The following PLXNA2 variants were observed in gnomAD, a reference collection of about 807,000 sequenced individuals.
The protein encoded by PLXNA2 is plexin A2.
PLXNA2 carries 91 observed loss-of-function variants against 193.5 expected under a neutral mutation model. That is an observed-to-expected ratio of 0.47 (90% CI 0.40 to 0.56). The LOEUF is 0.56. PLXNA2 is among the 20% of genes least tolerant of loss of function. The pLI is 0.00. For synonymous variants in PLXNA2, 997 were observed against 1,027.3 expected (o/e 0.97, Z 0.56); for missense variants, 1,995 against 2,503.2 (o/e 0.80, Z 4.33).
chr1:208,211,497 T>G (rs1057179905), intron 2 of PLXNA2, among the ~76,000 whole-genome samples: 15 of 152,070 alleles, frequency 9.9e-5, no homozygotes, highest in African/African-American at 1.4e-4. Context: ...ATCGAGACCA[T>G]TCTGGCCAAC....
intron 1 of PLXNA2, among the ~76,000 whole-genome samples, chr1:208,238,884 G>C (rs116429783): frequency 6.6e-6 from 1 of 152,178 alleles, no homozygotes; most frequent in Non-Finnish European, 1.5e-5. Context: ...GCCTTTTGGC[G>C]GGCCAGCCAG....
rs1558234168 is a variant in PLXNA2 at position 208,185,721 on chromosome 1, A to AAAAG, written c.1371+24558_1371+24559insCTTT. Among the ~76,000 whole-genome samples, 1,203 of 124,436 alleles carry AAAAG rather than the reference A, an allele frequency of 9.7e-3. 9 individuals are homozygous for AAAAG. The highest frequency in any genetic ancestry group is 0.031 in the African/African-American group (1,045 of 33,466). 81.6% of individuals were successfully genotyped at this position (124,436 alleles called of 152,430 possible). A position where few individuals can be genotyped will look rare whatever the true frequency, so the allele number is the denominator to read the frequency against. The stretch of plus-strand genomic sequence containing the variant: ...CAAAAAAAAAAAAAAAAAAAAAAGG[A>AAAAG]AAAAAAAAAAGAAACTATCACTTTT... On this transcript the variant is annotated intron_variant, in intron 3 of 31. Coordinates refer to ENST00000367033, the MANE Select transcript of PLXNA2 (RefSeq NM_025179.4).
intron 1 of PLXNA2, among the ~76,000 whole-genome samples, chr1:208,234,036 A>T (rs1671775158): frequency 6.6e-6 from 1 of 152,162 alleles, no homozygotes; most frequent in Admixed American, 6.5e-5. Flanking sequence ...TCTGCTCTAA[A>T]CCAAGGAAGA....
intron 9 of PLXNA2, among the ~76,000 whole-genome samples, chr1:208,090,054 A>G (rs1666659682): frequency 6.6e-6 from 1 of 152,178 alleles, no homozygotes; most frequent in Non-Finnish European, 1.5e-5. Flanking sequence ...TGTGGTTAAG[A>G]GCCAAAGCAG....
Position 208,143,541 on chromosome 1 carries a change from G to T in PLXNA2, c.1372-1078C>A, listed in dbSNP as rs924526740. Among the ~76,000 whole-genome samples, 5 of 152,308 alleles carry T rather than the reference G, an allele frequency of 3.3e-5. No individual in the cohort carries two copies. The East Asian group carries it at 9.6e-4, about 29-fold the overall frequency. On this transcript the variant is annotated intron_variant, in intron 3 of 31. Transcript: ENST00000367033. ...GTTGGTGGCAAGGAGCCCTTGGTCTGAATGTGCCCCATCCCCAGTTTTTCT... is the reference window on the plus strand; with the variant it reads ...GTTGGTGGCAAGGAGCCCTTGGTCTTAATGTGCCCCATCCCCAGTTTTTCT...
intron 3 of PLXNA2, among the ~76,000 whole-genome samples, chr1:208,146,453 C>G (rs1668602720): frequency 6.6e-6 from 1 of 152,164 alleles, no homozygotes; most frequent in Non-Finnish European, 1.5e-5. Context: ...CCAGCCCCAG[C>G]TGGTGGGGTC....
intron 12 of PLXNA2, among the ~76,000 whole-genome samples, chr1:208,071,065 C>A (rs754017385): frequency 3.9e-5 from 6 of 152,064 alleles, no homozygotes; most frequent in Non-Finnish European, 8.8e-5. Flanking sequence ...GCATTGGCTG[C>A]CCCTCTATGG....
intron 13 of PLXNA2, among the ~76,000 whole-genome samples, chr1:208,056,449 G>A (rs1268060133): frequency 1.3e-5 from 2 of 152,188 alleles, no homozygotes; most frequent in East Asian, 1.9e-4. Context: ...TGAAGGTCAC[G>A]GGCAGCATGG....
At chr1:208,158,143 C>G (rs1249490017) in intron 3 of PLXNA2, among the ~76,000 whole-genome samples, 1 of 152,120 alleles carries the variant, frequency 6.6e-6, no homozygotes, top group Non-Finnish European at 1.5e-5. Flanking sequence ...TCTTCTTCCC[C>G]GTTGAAAGAG....
At chr1:208,064,669 A>G (rs575668799) in intron 12 of PLXNA2, among the ~76,000 whole-genome samples, 12 of 152,304 alleles carry the variant, frequency 7.9e-5, no homozygotes, top group African/African-American at 2.9e-4. Context: ...GAATGAGTCT[A>G]AGGGCCATGC....
intron 6 of PLXNA2, among the ~76,000 whole-genome samples, chr1:208,097,510 G>T (rs933693149): frequency 1.3e-5 from 2 of 152,122 alleles, no homozygotes; most frequent in Non-Finnish European, 2.9e-5. Context: ...TCAGAGAAGT[G>T]GCCACCAACT....
At chr1:208,128,655 T>A (rs1668044512) in intron 4 of PLXNA2, among the ~76,000 whole-genome samples, 2 of 151,358 alleles carry the variant, frequency 1.3e-5, no homozygotes, top group Admixed American at 6.6e-5. Flanking sequence ...CCCCCTCCTC[T>A]CTTTCTTCCT....
chr1:208,146,454 T>C (rs569010661), intron 3 of PLXNA2, among the ~76,000 whole-genome samples: 1 of 152,190 alleles, frequency 6.6e-6, no homozygotes, highest in Non-Finnish European at 1.5e-5. Flanking sequence ...CAGCCCCAGC[T>C]GGTGGGGTCC....
Position 208,216,839 on chromosome 1 carries a change from C to G in PLXNA2, c.1084G>C (p.Ala362Pro). 1 of 1,614,180 alleles carries G rather than the reference C, an allele frequency of 6.2e-7. No homozygotes were observed. The highest frequency in any genetic ancestry group is 8.5e-7 in the Non-Finnish European group (1 of 1,180,038). ...DSALCAFPIR[A>P]INLQIKERLQ... is the part of the protein sequence containing the mutation. The stretch of plus-strand genomic sequence containing the variant: ...CGCTCCTTGATCTGCAAGTTGATGG[C>G]CCGGATAGGGAAGGCACACAGGGCA... Residue 362 changes from alanine to proline, a missense_variant, in exon 2 of 32, where the codon GCC becomes CCC. Physicochemically the swap from Ala to Pro is conservative, Grantham distance 27. This residue lies in a region of PLXNA2 where 702 missense variants were observed against 812.9 expected (regional missense o/e 0.86). Coordinates refer to ENST00000367033, the MANE Select transcript of PLXNA2 (RefSeq NM_025179.4).
Position 208,142,347 on chromosome 1 carries a change from G to A in PLXNA2, c.1488C>T (p.Tyr496=), listed in dbSNP as rs149871348. ...MAFSIDQRYL[Y]VMSERQVTRV... Reference sequence around the variant, plus strand: ...CACTTACCTGTCTCTCAGACATGACGTACAGGTAGCGCTGATCAATGGAGA... The same window carrying A: ...CACTTACCTGTCTCTCAGACATGACATACAGGTAGCGCTGATCAATGGAGA... Residue 496 remains tyrosine, a synonymous_variant, in exon 4 of 32, where the codon TAC becomes TAT. Coordinates refer to ENST00000367033, the MANE Select transcript of PLXNA2 (RefSeq NM_025179.4). 2.4e-3 allele frequency: 3,878 copies of A among 1,605,930 alleles called. 11 individuals are homozygous for A. Among genetic ancestry groups the A allele is most frequent in the Admixed American group, 3.4e-3 (195 of 57,704 alleles).
chr1:208,216,069 T>C (rs1043801982), intron 2 of PLXNA2, among the ~76,000 whole-genome samples: 7 of 152,214 alleles, frequency 4.6e-5, no homozygotes, highest in African/African-American at 1.7e-4. Context: ...TGTGTGTACA[T>C]GACCTGGTCC....
intron 3 of PLXNA2, among the ~76,000 whole-genome samples, chr1:208,150,458 A>G (rs1571970807): frequency 6.6e-6 from 1 of 152,052 alleles, no homozygotes; most frequent in Non-Finnish European, 1.5e-5. Context: ...TCCCCAGAGG[A>G]CTCACTTGTT....
intron 31 of PLXNA2, among the ~76,000 whole-genome samples, chr1:208,027,722 G>T (rs1664382885): frequency 6.6e-6 from 1 of 152,194 alleles, no homozygotes; most frequent in Non-Finnish European, 1.5e-5. Context: ...GCAAAGAATA[G>T]TTTGATTCAT....
Position 208,024,718 on chromosome 1 carries a change from T to C in PLXNA2, c.*2525A>G, listed in dbSNP as rs985619539. ...TAACTGCTGGGAGATGCCAGGTAGATGCATTGAGTTAAGGGCTGGTAGAGA... is the reference window on the plus strand; with the variant it reads ...TAACTGCTGGGAGATGCCAGGTAGACGCATTGAGTTAAGGGCTGGTAGAGA... On this transcript the variant is annotated 3_prime_UTR_variant, in exon 32 of 32. Coordinates refer to ENST00000367033, the MANE Select transcript of PLXNA2 (RefSeq NM_025179.4). 2.0e-5 allele frequency: 3 copies of C among 152,192 alleles called. No individual in the cohort carries two copies. The highest frequency in any genetic ancestry group is 4.4e-5 in the Non-Finnish European group (3 of 68,088). The allele number at this position is 152,192 out of a possible 1,614,324, so 9.4% of individuals were successfully genotyped here. A position where few individuals can be genotyped will look rare whatever the true frequency, so the allele number is the denominator to read the frequency against.
Sources: allele counts gnomAD v4.1 joint callset (sites outside exome capture counted in the v4.1 genomes callset), GRCh38; gene constraint gnomAD v4.1.1; regional missense constraint gnomAD v4.1.1; transcripts MANE v1.5; gene names NCBI Gene and HGNC (gene_info 2026-07-23, HGNC 2026-07-21).